Variants in STK24 observed in about 807,000 individuals in gnomAD.
STK24 encodes serine/threonine kinase 24.
STK24 carries 21 observed loss-of-function variants against 55.6 expected under a neutral mutation model. That is an observed-to-expected ratio of 0.38 (90% CI 0.27 to 0.54). STK24 has a LOEUF of 0.54. Ranked by LOEUF, STK24 falls within the 20% of genes least tolerant of loss-of-function variation. The probability of loss-of-function intolerance (pLI) is 0.79; values close to 1 mark genes in which losing one functional copy is unlikely to be tolerated. For synonymous variants in STK24, 200 were observed against 215.2 expected, an observed-to-expected ratio of 0.93 and a Z score of 0.62; for missense variants, 383 against 538.4, an observed-to-expected ratio of 0.71 and a Z score of 2.86.
At chr13:98,545,916 A>C (rs539782617) in intron 1 of STK24, among the ~76,000 whole-genome samples, 8 of 152,354 alleles carry the variant, frequency 5.3e-5, no homozygotes, top group Middle Eastern at 3.4e-3. Context: ...ATTCAAGAAA[A>C]AAATGTTACC....
In STK24 at chr13:98,451,009, T is replaced by C. The variant is rs916635837; in HGVS notation, c.*2164A>G. The C allele has an allele frequency of 6.6e-6, 1 of 152,192 alleles. No individual in the cohort carries two copies. Among genetic ancestry groups the C allele is most frequent in the African/African-American group, 2.4e-5 (1 of 41,430 alleles). The allele number at this position is 152,192 out of a possible 1,614,324, so 9.4% of individuals were successfully genotyped here. A position where few individuals can be genotyped will look rare whatever the true frequency, so the allele number is the denominator to read the frequency against. ...CTTGTTGCTCTACGGGGGAAGGGGC[T>C]GAGTATGATTTGTCTGGCGACTGCA... On this transcript the variant is annotated 3_prime_UTR_variant, in exon 11 of 11. Transcript: ENST00000539966.
intron 1 of STK24, among the ~76,000 whole-genome samples, chr13:98,531,726 C>G (rs1480512766): frequency 6.6e-6 from 1 of 152,176 alleles, no homozygotes; most frequent in Non-Finnish European, 1.5e-5. Context: ...CCCCCTCACT[C>G]GACCTTCACC....
At chr13:98,495,802 A>G (rs1238428788) in intron 2 of STK24, among the ~76,000 whole-genome samples, 1 of 152,244 alleles carries the variant, frequency 6.6e-6, no homozygotes, top group Non-Finnish European at 1.5e-5. Context: ...GTGATTTCAC[A>G]GCAAGATTTC....
Position 98,521,746 on chromosome 13 carries a change from C to G in STK24, c.43-2273G>C, listed in dbSNP as rs749993978. 2.1e-5 allele frequency: 16 copies of G among 778,508 alleles called. No homozygotes were observed. The Admixed American group carries it at 2.7e-4, about 13-fold the overall frequency. 48.2% of individuals were successfully genotyped at this position (778,508 alleles called of 1,614,324 possible). A position where few individuals can be genotyped will look rare whatever the true frequency, so the allele number is the denominator to read the frequency against. On this transcript the variant is annotated intron_variant, in intron 1 of 10. Coordinates refer to ENST00000539966, the MANE Select transcript of STK24 (RefSeq NM_001032296.4). ...ATACCCCGTTTTCAGCAGCTACTAT[C>G]CTCGCTGCTTTCATGCCCTCTCCCT...
chr13:98,446,859 A>G lies in STK24; in HGVS notation c.*6314T>C, dbSNP rs200001802. On this transcript the variant is annotated 3_prime_UTR_variant, in exon 11 of 11. Transcript: ENST00000539966. ...CACGCACAGGGCCCTGCAGAAGAGGACCCCCTCTTCCAAACATCAGGATTT... is the reference window on the plus strand; with the variant it reads ...CACGCACAGGGCCCTGCAGAAGAGGGCCCCCTCTTCCAAACATCAGGATTT... The G allele has an allele frequency of 6.3e-7, 1 of 1,595,718 alleles. No individual in the cohort carries two copies. The highest frequency in any genetic ancestry group is 2.2e-5 in the East Asian group (1 of 44,626).
chr13:98,504,188 CTAACT>C (rs1356940943), intron 2 of STK24, among the ~76,000 whole-genome samples: 1 of 151,618 alleles, frequency 6.6e-6, no homozygotes, highest in East Asian at 1.9e-4. Flanking sequence ...ACCCTGCAGC[CTAACT>C]TAACTGAAGA....
chr13:98,562,175 C>T (rs1397990110), intron 1 of STK24, among the ~76,000 whole-genome samples: 1 of 152,024 alleles, frequency 6.6e-6, no homozygotes, highest in Non-Finnish European at 1.5e-5. Flanking sequence ...AATGTGTGTA[C>T]GCAGACAACT....
intron 1 of STK24, chr13:98,576,124 G>A: frequency 1.0e-6 from 1 of 985,132 alleles, no homozygotes; most frequent in Non-Finnish European, 1.2e-6. Flanking sequence ...CTTCCAGAAG[G>A]TTTGCAACTC....
intron 10 of STK24, chr13:98,456,734 G>A: frequency 2.8e-6 from 1 of 357,040 alleles, no homozygotes; most frequent in Admixed American, 3.8e-5. Flanking sequence ...GCTAACACAG[G>A]GAACACACCT....
chr13:98,560,539 A>T (rs915847079), intron 1 of STK24, among the ~76,000 whole-genome samples: 1 of 152,190 alleles, frequency 6.6e-6, no homozygotes, highest in Non-Finnish European at 1.5e-5. Flanking sequence ...TTTAAACCAG[A>T]CTATTTACCA....
chr13:98,493,819 C>T (rs925768981), intron 2 of STK24, among the ~76,000 whole-genome samples: 6 of 150,520 alleles, frequency 4.0e-5, no homozygotes, highest in South Asian at 2.1e-4. Flanking sequence ...AAAGACTTAA[C>T]GGTATTCTGC....
At chr13:98,511,887 T>C (rs1267906276) in intron 2 of STK24, among the ~76,000 whole-genome samples, 2 of 145,270 alleles carry the variant, frequency 1.4e-5, no homozygotes, top group Non-Finnish European at 3.0e-5. Context: ...CATCCAAGAG[T>C]GAGTTTTACA....
chr13:98,532,552 G>T (rs1028709530), intron 1 of STK24, among the ~76,000 whole-genome samples: 23 of 152,080 alleles, frequency 1.5e-4, no homozygotes, highest in African/African-American at 5.6e-4. Flanking sequence ...CCTCTCTGGA[G>T]GTGAGCCCCA....
chr13:98,499,068 G>A (rs1289255419), intron 2 of STK24, among the ~76,000 whole-genome samples: 3 of 152,160 alleles, frequency 2.0e-5, no homozygotes, highest in Admixed American at 1.3e-4. Context: ...CCAACATGGC[G>A]AATCCCTGTC....
chr13:98,468,098 A>G (rs1377680237), intron 5 of STK24, among the ~76,000 whole-genome samples: 1 of 152,218 alleles, frequency 6.6e-6, no homozygotes, highest in African/African-American at 2.4e-5. Flanking sequence ...TGCTTTAACT[A>G]TCCAGAGGAT....
At chr13:98,539,821 A>C (rs1896837116) in intron 1 of STK24, among the ~76,000 whole-genome samples, 1 of 152,230 alleles carries the variant, frequency 6.6e-6, no homozygotes. Flanking sequence ...GAAACCAGAG[A>C]GTCTCCAAGG....
intron 1 of STK24, among the ~76,000 whole-genome samples, chr13:98,568,555 G>A (rs540331224): frequency 6.6e-6 from 1 of 152,294 alleles, no homozygotes; most frequent in South Asian, 2.1e-4. Flanking sequence ...GCCGGAAGCA[G>A]AGGCAGCATA....
intron 1 of STK24, among the ~76,000 whole-genome samples, chr13:98,524,002 G>T (rs1015333631): frequency 1.3e-5 from 2 of 152,060 alleles, no homozygotes; most frequent in African/African-American, 4.8e-5. Context: ...CACAATTCTT[G>T]TTGAGCTGAG....
rs552253307 is a variant in STK24 at position 98,522,066 on chromosome 13, C to G, written c.43-2593G>C. ...AGTCATCTGGACCTGCCCGGTCCTC[C>G]CCACCACTGCAGCCTGGCTCCGCTC... is the stretch of plus-strand genomic sequence containing the variant. On this transcript the variant is annotated intron_variant, in intron 1 of 10. Transcript: ENST00000539966. 9.4e-6 allele frequency: 13 copies of G among 1,382,850 alleles called. No homozygotes were observed. In the African/African-American group the frequency reaches 1.6e-4, roughly 17 times the overall value. 85.7% of individuals were successfully genotyped at this position (1,382,850 alleles called of 1,614,324 possible).
Sources: allele counts gnomAD v4.1 joint callset (sites outside exome capture counted in the v4.1 genomes callset), GRCh38; gene constraint gnomAD v4.1.1; transcripts MANE v1.5; gene names NCBI Gene and HGNC (gene_info 2026-07-23, HGNC 2026-07-21).